Variants in DNAH5 observed in about 807,000 individuals in gnomAD.
The protein encoded by DNAH5 is axonemal beta dynein heavy chain 5.
In DNAH5, 372 loss-of-function variants were observed where a neutral mutation model predicts 518.2. The ratio of observed to expected loss-of-function variants is 0.72; its 90% CI spans 0.66 to 0.78. DNAH5 has a LOEUF of 0.78. Ranked by LOEUF, DNAH5 falls within the 30% of genes least tolerant of loss-of-function variation. The probability of loss-of-function intolerance (pLI) is 0.00; values close to 1 mark genes in which losing one functional copy is unlikely to be tolerated. For missense variants in DNAH5, 5,523 were observed against 5,687.0 expected (o/e 0.97, Z 0.93); for synonymous variants, 2,039 against 2,025.9 (o/e 1.01, Z -0.17).
At chr5:13,715,971 C>T (rs1385226569) in intron 74 of DNAH5, among the ~76,000 whole-genome samples, 1 of 152,198 alleles carries the variant, frequency 6.6e-6, no homozygotes, top group Non-Finnish European at 1.5e-5. Context: ...TCAATAGTGC[C>T]AAGGTTGAGA....
intron 1 of DNAH5, among the ~76,000 whole-genome samples, chr5:13,958,868 T>C (rs1030325209): frequency 5.9e-5 from 9 of 152,332 alleles, no homozygotes; most frequent in Middle Eastern, 3.4e-3. Context: ...CTTAATGCAT[T>C]TTAAAGAGAA....
intron 70 of DNAH5, 46 bp downstream of exon 70, chr5:13,727,461 C>T: frequency 1.3e-6 from 2 of 1,537,838 alleles, no homozygotes; most frequent in African/African-American, 1.4e-5. Flanking sequence ...AGAAAATTCT[C>T]TTTAAAAATA....
At chr5:13,695,857 C>T (rs755936699) in intron 78 of DNAH5, among the ~76,000 whole-genome samples, 1 of 152,020 alleles carries the variant, frequency 6.6e-6, no homozygotes, top group African/African-American at 2.4e-5. Context: ...TGCACATGCA[C>T]ATACACACAC....
chr5:13,900,487 G>C (rs1774459720), intron 14 of DNAH5, 75 bp from the exon 15 acceptor site: 1 of 1,209,390 alleles, frequency 8.3e-7, no homozygotes, highest in South Asian at 1.3e-5. Context: ...CTATCTCTAG[G>C]AATAAGGATC....
At chr5:13,968,795 C>A (rs1187341704) in intron 1 of DNAH5, among the ~76,000 whole-genome samples, 1 of 151,954 alleles carries the variant, frequency 6.6e-6, no homozygotes, top group African/African-American at 2.4e-5. Context: ...TATGTCGTGT[C>A]CTGGTTTTGG....
intron 47 of DNAH5, among the ~76,000 whole-genome samples, chr5:13,805,439 A>C (rs1295107434): frequency 6.6e-6 from 1 of 152,134 alleles, no homozygotes; most frequent in East Asian, 1.9e-4. Context: ...TGGAGGTTGC[A>C]GTGAGCCAAG....
chr5:13,928,831 A>G (rs1778133388), intron 2 of DNAH5, among the ~76,000 whole-genome samples: 1 of 152,238 alleles, frequency 6.6e-6, no homozygotes, highest in Non-Finnish European at 1.5e-5. Context: ...TACCACCAAA[A>G]AACAGAAAAC....
intron 72 of DNAH5, among the ~76,000 whole-genome samples, chr5:13,718,489 C>G (rs1744603749): frequency 6.6e-6 from 1 of 152,224 alleles, no homozygotes; most frequent in Non-Finnish European, 1.5e-5. Context: ...TAGCTACCTT[C>G]TGACATATGG....
rs757641837 is a variant in DNAH5 at position 13,735,918 on chromosome 5, T to C, written c.11470A>G (p.Ser3824Gly). The C allele has an allele frequency of 1.2e-6, 2 of 1,614,022 alleles. No homozygotes were observed. The highest frequency in any genetic ancestry group is 1.1e-5 in the South Asian group (1 of 91,078). ...TCAGTAATGAGGAAGTAGAGGATGC[T>C]GCCCCGCGTAGCCACTGGAAGACAA... ...EEYRPVATRG[S>G]ILYFLITEMR... Residue 3824 changes from serine to glycine, a missense_variant, in exon 67 of 79, where the codon AGC becomes GGC. Physicochemically the swap from Ser to Gly is moderately conservative, Grantham distance 56. This residue lies in a region of DNAH5 where 5,121 missense variants were observed against 5,223.3 expected (regional missense o/e 0.98). Coordinates refer to ENST00000265104, the MANE Select transcript of DNAH5 (RefSeq NM_001369.3).
At chr5:13,708,558 G>A (rs1294218210) in intron 75 of DNAH5, among the ~76,000 whole-genome samples, 1 of 152,024 alleles carries the variant, frequency 6.6e-6, no homozygotes, top group East Asian at 1.9e-4. Flanking sequence ...GAAGGAACAG[G>A]CAGCCATGAA....
At chr5:13,972,043 C>G (rs1261791142) in intron 1 of DNAH5, among the ~76,000 whole-genome samples, 4 of 152,120 alleles carry the variant, frequency 2.6e-5, no homozygotes, top group Admixed American at 6.5e-5. Flanking sequence ...AACGGAGTTA[C>G]ATTCCCAGGA....
intron 1 of DNAH5, among the ~76,000 whole-genome samples, chr5:14,003,897 T>A (rs1201870708): frequency 6.6e-6 from 1 of 152,126 alleles, no homozygotes; most frequent in Non-Finnish European, 1.5e-5. Flanking sequence ...GAGAGAGAGG[T>A]GCTGGATCAG....
At position 13,824,281 on chromosome 5, in the gene DNAH5, C is replaced by G. The variant is rs1354520977; in HGVS notation, c.6497G>C (p.Gly2166Ala). ...RNILSVLRTLGAAKRANPMDT... is the reference protein window; with the variant it reads ...RNILSVLRTLAAAKRANPMDT... The stretch of plus-strand genomic sequence containing the variant: ...CATTGGATTGGCTCTTTTTGCTGCT[C>G]CCAAGGTCCGAAGAACTGACAGAAT... The change falls in exon 39 of 79, where the codon GGA (glycine) becomes GCA (alanine). Residue 2166 changes from glycine to alanine, a missense_variant. Coordinates refer to ENST00000265104, the MANE Select transcript of DNAH5 (RefSeq NM_001369.3). The G allele has an allele frequency of 6.2e-7, 1 of 1,613,922 alleles. No individual in the cohort carries two copies. Among genetic ancestry groups the G allele is most frequent in the Non-Finnish European group, 8.5e-7 (1 of 1,179,998 alleles).
intron 1 of DNAH5, chr5:13,931,951 A>T (rs947986822): frequency 6.5e-6 from 1 of 152,686 alleles, no homozygotes; most frequent in Admixed American, 6.5e-5. Context: ...AGCTGCAAAA[A>T]TATTCAGTAT....
intron 68 of DNAH5, among the ~76,000 whole-genome samples, chr5:13,734,831 C>A (rs1440209008): frequency 6.6e-6 from 1 of 152,120 alleles, no homozygotes; most frequent in African/African-American, 2.4e-5. Flanking sequence ...ACCATCTTCC[C>A]ACTCACTATA....
chr5:13,714,671 C>G, intron 74 of DNAH5, 51 bp from the exon 75 acceptor site: 1 of 1,567,762 alleles, frequency 6.4e-7, no homozygotes. Context: ...TAAGCACCGT[C>G]TAAATTACAC....
intron 41 of DNAH5, among the ~76,000 whole-genome samples, chr5:13,817,996 G>A (rs1434117741): frequency 6.6e-6 from 1 of 151,976 alleles, no homozygotes; most frequent in Non-Finnish European, 1.5e-5. Flanking sequence ...TAAATTTCAT[G>A]GCTCAAAAAA....
rs1206878926 is a variant in DNAH5, at chr5:13,807,728, A to T, written c.7753-3T>A. On this transcript the variant is annotated splice_polypyrimidine_tract_variant and splice_region_variant and intron_variant, in intron 46 of 78. Coordinates refer to ENST00000265104, the MANE Select transcript of DNAH5 (RefSeq NM_001369.3). ...TGTTCACCAATTAATAGCACAGCCT[A>T]AAATAGAGGGAATTGAAAAAAAAAG... 1 of 1,602,698 alleles carries T rather than the reference A, an allele frequency of 6.2e-7. No homozygotes were observed. Among genetic ancestry groups the T allele is most frequent in the Non-Finnish European group, 8.5e-7 (1 of 1,172,748 alleles).
At chr5:13,745,464 T>A (rs1749207709) in intron 65 of DNAH5, among the ~76,000 whole-genome samples, 1 of 152,104 alleles carries the variant, frequency 6.6e-6, no homozygotes, top group South Asian at 2.1e-4. Flanking sequence ...CTCTAAGGTT[T>A]ACACGTGTTT....
Sources: gnomAD v4.1 joint callset for allele counts (sites outside exome capture counted in the v4.1 genomes callset) on GRCh38, gnomAD v4.1.1 for gene constraint, gnomAD v4.1.1 regional missense constraint, MANE v1.5 for transcripts, NCBI Gene and HGNC (gene_info 2026-07-23, HGNC 2026-07-21) for gene names.